FAT3: variants seen among roughly 807,000 people sequenced by gnomAD.
FAT3 encodes protocadherin Fat 3.
In FAT3, 95 loss-of-function variants were observed where a neutral mutation model predicts 310.2. The ratio of observed to expected loss-of-function variants is 0.31; its 90% CI spans 0.26 to 0.36. The LOEUF is 0.36. FAT3 is among the 10% of genes least tolerant of loss of function. The pLI is 1.00. For missense variants in FAT3, 5,408 were observed against 5,715.6 expected, an observed-to-expected ratio of 0.95 and a Z score of 1.74; for synonymous variants, 2,314 against 2,192.9, an observed-to-expected ratio of 1.06 and a Z score of -1.54.
At chr11:92,351,207 C>T (rs1188644800) in intron 1 of FAT3, among the ~76,000 whole-genome samples, 1 of 152,116 alleles carries the variant, frequency 6.6e-6, no homozygotes, top group East Asian at 1.9e-4. Flanking sequence ...CATATAACTC[C>T]TTAGGGATTA....
intron 19 of FAT3, among the ~76,000 whole-genome samples, chr11:92,854,090 C>T (rs1048364296): frequency 1.3e-5 from 2 of 152,304 alleles, no homozygotes; most frequent in East Asian, 1.9e-4. Flanking sequence ...CGCAGCTTCC[C>T]TCCCGTGCTC....
At chr11:92,635,884 T>C (rs974968294) in intron 3 of FAT3, among the ~76,000 whole-genome samples, 4 of 152,218 alleles carry the variant, frequency 2.6e-5, no homozygotes, top group African/African-American at 9.6e-5. Context: ...TATTGGGTCA[T>C]TGGGTGTTCA....
intron 17 of FAT3, 135 bp from the exon 18 acceptor site, chr11:92,840,427 C>T: frequency 1.3e-6 from 1 of 763,952 alleles, no homozygotes; most frequent in Non-Finnish European, 2.0e-6. Context: ...ATCCCTTCTG[C>T]TGAAAGCCCT....
chr11:92,555,057 G>C (rs1173934456), intron 3 of FAT3, among the ~76,000 whole-genome samples: 1 of 110,072 alleles, frequency 9.1e-6, no homozygotes, highest in Admixed American at 9.2e-5. Context: ...CAAAAGCTTT[G>C]AGACCACACA....
At chr11:92,254,278 C>T (rs1056578822) in intron 1 of FAT3, among the ~76,000 whole-genome samples, 1 of 152,130 alleles carries the variant, frequency 6.6e-6, no homozygotes, top group African/African-American at 2.4e-5. Flanking sequence ...GACAATGAGA[C>T]AAGATTTAAG....
intron 3 of FAT3, among the ~76,000 whole-genome samples, chr11:92,651,971 C>A (rs1263085064): frequency 6.6e-6 from 1 of 152,198 alleles, no homozygotes; most frequent in African/African-American, 2.4e-5. Flanking sequence ...CATTGTCCAT[C>A]TTTTCCTCTG....
At chr11:92,340,927 C>T (rs530246762) in intron 1 of FAT3, among the ~76,000 whole-genome samples, 4 of 152,176 alleles carry the variant, frequency 2.6e-5, no homozygotes, top group East Asian at 3.9e-4. Flanking sequence ...GCAGGATTTG[C>T]GGAGATCCGG....
intron 18 of FAT3, among the ~76,000 whole-genome samples, chr11:92,841,016 G>A (rs1012506498): frequency 1.3e-5 from 2 of 152,064 alleles, no homozygotes; most frequent in Admixed American, 6.6e-5. Flanking sequence ...ATGGTCACTG[G>A]GCTTAAATCT....
chr11:92,585,355 A>G (rs2135544915), intron 3 of FAT3, among the ~76,000 whole-genome samples: 1 of 152,180 alleles, frequency 6.6e-6, no homozygotes, highest in Middle Eastern at 3.4e-3. Flanking sequence ...CACACAACAG[A>G]TTTCCCACTA....
rs139149984 is a variant in FAT3 at position 92,353,117 on chromosome 11, G to A, written c.1005G>A (p.Glu335=). Residue 335 remains glutamate (E), a synonymous_variant, in exon 2 of 28, where the codon GAG becomes GAA. Coordinates refer to ENST00000525166, the MANE Select transcript of FAT3 (RefSeq NM_001367949.2). The part of the protein sequence containing the change: ...KIKERKQIDW[E]SFPYGYNLTL... ...AGGAGAGGAAGCAGATTGACTGGGA[G>A]AGCTTTCCCTATGGCTACAATCTCA... 6 of 1,613,650 alleles carry A rather than the reference G, an allele frequency of 3.7e-6. No individual in the cohort carries two copies. The African/African-American group carries it at 6.7e-5, about 18-fold the overall frequency.
intron 1 of FAT3, among the ~76,000 whole-genome samples, chr11:92,236,855 C>T (rs1864442675): frequency 6.6e-6 from 1 of 152,058 alleles, no homozygotes; most frequent in Admixed American, 6.5e-5. Context: ...ATCCTTTTTT[C>T]ATGCTCCCAT....
intron 2 of FAT3, among the ~76,000 whole-genome samples, chr11:92,509,410 C>T (rs187619941): frequency 1.4e-4 from 21 of 152,276 alleles, no homozygotes; most frequent in Non-Finnish European, 2.6e-4. Context: ...TTCATCTAAA[C>T]ATGAGTTATA....
chr11:92,268,470 C>CT (rs11359061), intron 1 of FAT3, among the ~76,000 whole-genome samples: 2,704 of 145,958 alleles, frequency 0.019, 30 homozygotes, highest in Non-Finnish European at 0.025. Flanking sequence ...TATAGATTTC[C>CT]TTTTTTTTTT....
intron 4 of FAT3, among the ~76,000 whole-genome samples, chr11:92,709,126 A>G (rs767517771): frequency 3.9e-5 from 6 of 152,216 alleles, no homozygotes; most frequent in Non-Finnish European, 8.8e-5. Flanking sequence ...CCGGCCAGCC[A>G]TGTTCAGGCC....
chr11:92,364,763 C>A (rs1413351025), intron 2 of FAT3, among the ~76,000 whole-genome samples: 3 of 152,238 alleles, frequency 2.0e-5, no homozygotes, highest in East Asian at 3.9e-4. Flanking sequence ...ATAGGACTCT[C>A]AAAATTTTCC....
At chr11:92,835,653 G>A (rs1175317921) in intron 15 of FAT3, among the ~76,000 whole-genome samples, 2 of 152,068 alleles carry the variant, frequency 1.3e-5, no homozygotes, top group African/African-American at 4.8e-5. Flanking sequence ...ATAAATATAT[G>A]CAACTATGAT....
intron 1 of FAT3, among the ~76,000 whole-genome samples, chr11:92,280,147 G>A (rs1946384395): frequency 6.6e-6 from 1 of 152,098 alleles, no homozygotes; most frequent in Admixed American, 6.5e-5. Flanking sequence ...TCCTTCCAAG[G>A]AAGAGGGAAC....
rs78462269 is a variant in FAT3, at chr11:92,413,050, A to G, written c.3292+57646A>G. ...ACATTTATCCACCATTATAGTATTC[A>G]GACTATTTTCACTGAGCTAAAAATC... On this transcript the variant is annotated intron_variant, in intron 2 of 27. Coordinates refer to ENST00000525166, the MANE Select transcript of FAT3 (RefSeq NM_001367949.2). Among the ~76,000 whole-genome samples, 265 of 152,150 alleles carry G rather than the reference A, an allele frequency of 1.7e-3. 1 individual carries two copies. The East Asian group carries it at 0.038, about 22-fold the overall frequency.
At chr11:92,253,384 A>G (rs11820413) in intron 1 of FAT3, among the ~76,000 whole-genome samples, 3,285 of 152,040 alleles carry the variant, frequency 0.022, 102 homozygotes, top group African/African-American at 0.071. Flanking sequence ...GCTCTTACCA[A>G]TGTACTTTAG....
Sources: allele counts gnomAD v4.1 joint callset (sites outside exome capture counted in the v4.1 genomes callset), GRCh38; gene constraint gnomAD v4.1.1; transcripts MANE v1.5; gene names NCBI Gene and HGNC (gene_info 2026-07-23, HGNC 2026-07-21).